Variants in KIF1A observed in about 807,000 individuals in gnomAD.
KIF1A encodes kinesin family member 1A.
A neutral mutation model predicts 227.3 loss-of-function variants in KIF1A; 46 were observed. The ratio of observed to expected loss-of-function variants is 0.20; its 90% CI spans 0.16 to 0.26. The LOEUF (loss-of-function observed/expected upper bound fraction) is 0.26, where lower values mean the gene tolerates loss of function less well. KIF1A is among the 10% of genes least tolerant of loss of function. The probability of loss-of-function intolerance (pLI) is 1.00; values close to 1 mark genes in which losing one functional copy is unlikely to be tolerated. For missense variants in KIF1A, 1,683 were observed against 2,485.9 expected (o/e 0.68, Z 6.87); for synonymous variants, 1,022 against 1,012.8 (o/e 1.01, Z -0.17).
In KIF1A at chr2:240,793,985, T is replaced by C. The variant is rs2056069999; in HGVS notation, c.106+3662A>G. 6.6e-6 allele frequency among the ~76,000 whole-genome samples: 1 copy of C among 152,154 alleles called. No individual in the cohort carries two copies. Among genetic ancestry groups the C allele is most frequent in the Admixed American group, 6.5e-5 (1 of 15,282 alleles). On this transcript the variant is annotated intron_variant, in intron 2 of 48. Coordinates refer to ENST00000498729, the MANE Select transcript of KIF1A (RefSeq NM_001244008.2). The surrounding 1 kb of genome is among the most constrained non-coding windows in gnomAD (Gnocchi z 4.8). ...CACTCCCAATTCTATTGATCTGAGC[T>C]GCAGCTGAGAAGTCACCAGGGACGG...
chr2:240,816,047 A>G (rs1228610612), intron 1 of KIF1A, among the ~76,000 whole-genome samples: 1 of 152,172 alleles, frequency 6.6e-6, no homozygotes, highest in East Asian at 1.9e-4. Flanking sequence ...GCATCATGGC[A>G]GAGGCAGCAT....
chr2:240,780,806 A>ACACACACACACAGCTC, intron 10 of KIF1A, among the ~76,000 whole-genome samples: 1 of 87,082 alleles, frequency 1.1e-5, no homozygotes, highest in Non-Finnish European at 2.1e-5. Context: ...CTCCACACAC[A>ACACACACACACAGCTC]CACACACACA....
intron 1 of KIF1A, among the ~76,000 whole-genome samples, chr2:240,819,360 C>A (rs1347046798): frequency 6.6e-6 from 1 of 152,014 alleles, no homozygotes; most frequent in East Asian, 1.9e-4. Context: ...GTTACAGGGG[C>A]GCTGGCTGCT....
intron 46 of KIF1A, 115 bp from the exon 47 acceptor site, chr2:240,719,313 C>G: frequency 8.1e-7 from 1 of 1,229,982 alleles, no homozygotes; most frequent in South Asian, 1.6e-5. Flanking sequence ...CCTCCCCAGC[C>G]AGAAAGTGGG....
rs756904387 is a variant in KIF1A, at chr2:240,757,469, T to C, written c.2708A>G (p.Glu903Gly). ...CTCCTCCTCCTCCCCCACGCTCTGC[T>C]CCTCGGCAGGCTCGGTGGCGTCGGA... is the stretch of plus-strand genomic sequence containing the variant. ...PDSDATEPAE[E>G]QSVGEEEEEE... The change falls in exon 27 of 49, where the codon GAG (glutamate) becomes GGG (glycine). Residue 903 changes from glutamate (E) to glycine (G), a missense_variant. Coordinates refer to ENST00000498729, the MANE Select transcript of KIF1A (RefSeq NM_001244008.2). The surrounding 1 kb of genome is among the most constrained non-coding windows in gnomAD (Gnocchi z 6.2). 1.3e-6 allele frequency: 2 copies of C among 1,550,386 alleles called. No homozygotes were observed. The highest frequency in any genetic ancestry group is 1.2e-5 in the South Asian group (1 of 83,972).
Position 240,720,948 on chromosome 2 carries a change from G to C in KIF1A, c.4834C>G (p.Leu1612Val). The change falls in exon 45 of 49, where the codon CTG becomes GTG. Residue 1612 changes from leucine to valine, a missense_variant. Transcript: ENST00000498729. ...GTGGCACCGTACCGCCCTTCAACCA[G>C]AGAGGGGCAAGTGGAGGAGGGGGTG... The part of the protein sequence containing the change: ...TLTPSSTCPS[L>V]VEGRYGATDL... 6.3e-7 allele frequency: 1 copy of C among 1,595,648 alleles called. No individual in the cohort carries two copies. The highest frequency in any genetic ancestry group is 8.5e-7 in the Non-Finnish European group (1 of 1,171,584).
rs1296337812 is a variant in KIF1A at position 240,736,442 on chromosome 2, C to G, written c.4007+621G>C. On this transcript the variant is annotated intron_variant, in intron 38 of 48. Transcript: ENST00000498729. This position sits in a 1 kb window ranked among gnomAD's most constrained non-coding sequence, Gnocchi z 4.7. ...CCCCTGGCAGTGCTGAGCCACCTGC[C>G]CAGGCCAACCGCAGGGGCTGCCTCC... Among the ~76,000 whole-genome samples, 4 of 152,172 alleles carry G rather than the reference C, an allele frequency of 2.6e-5. No homozygotes were observed. The East Asian group carries it at 5.8e-4, about 22-fold the overall frequency.
intron 1 of KIF1A, among the ~76,000 whole-genome samples, chr2:240,819,465 G>A (rs2106392833): frequency 6.6e-6 from 1 of 152,288 alleles, no homozygotes; most frequent in East Asian, 1.9e-4. Context: ...GTGATGGGCA[G>A]GCCGGCCGTG....
At chr2:240,735,124 G>T (rs551558453) in intron 38 of KIF1A, among the ~76,000 whole-genome samples, 1 of 152,304 alleles carries the variant, frequency 6.6e-6, no homozygotes, top group South Asian at 2.1e-4. Flanking sequence ...CCCCAAGACT[G>T]CTCCAGGGCA....
At chr2:240,797,479 G>T (rs968326702) in intron 2 of KIF1A, among the ~76,000 whole-genome samples, 168 bp downstream of exon 2, 19 of 152,210 alleles carry the variant, frequency 1.2e-4, no homozygotes, top group African/African-American at 4.6e-4. Context: ...GCCCACCACC[G>T]TTGGTGGCAG....
At chr2:240,796,431 G>A (rs191905196) in intron 2 of KIF1A, among the ~76,000 whole-genome samples, 157 of 152,264 alleles carry the variant, frequency 1.0e-3, no homozygotes, top group African/African-American at 3.2e-3. Context: ...CCCCGGCCAC[G>A]GAGGTCACCC....
Position 240,728,334 on chromosome 2 carries a change from G to A in KIF1A, c.4008-1394C>T, listed in dbSNP as rs76132160. On this transcript the variant is annotated intron_variant, in intron 38 of 48. Coordinates refer to ENST00000498729, the MANE Select transcript of KIF1A (RefSeq NM_001244008.2). Reference sequence around the variant, plus strand: ...GCAGACGCCGAGGAGAAAGGAACTCGGAAGAGCAGAAGAGGACAGACCAAG... The same window carrying A: ...GCAGACGCCGAGGAGAAAGGAACTCAGAAGAGCAGAAGAGGACAGACCAAG... 3,280 of 1,139,582 alleles carry A rather than the reference G, an allele frequency of 2.9e-3. 66 individuals are homozygous for A. In the African/African-American group the frequency reaches 0.046, roughly 16 times the overall value. 70.6% of individuals were successfully genotyped at this position (1,139,582 alleles called of 1,614,324 possible). A position where few individuals can be genotyped will look rare whatever the true frequency, so the allele number is the denominator to read the frequency against.
chr2:240,809,228 G>T (rs868602681), intron 1 of KIF1A, among the ~76,000 whole-genome samples: 1 of 152,216 alleles, frequency 6.6e-6, no homozygotes, highest in Non-Finnish European at 1.5e-5. Context: ...ATGACAAGTT[G>T]CTTCTAGAAA....
intron 8 of KIF1A, among the ~76,000 whole-genome samples, chr2:240,783,404 G>T (rs1028936776): frequency 1.3e-5 from 2 of 152,192 alleles, no homozygotes; most frequent in African/African-American, 4.8e-5. Flanking sequence ...GGCCAGCAGG[G>T]GTCGAGGAAA....
intron 1 of KIF1A, among the ~76,000 whole-genome samples, chr2:240,801,341 C>T (rs73104607): frequency 0.01 from 1,581 of 151,930 alleles, 39 homozygotes; most frequent in African/African-American, 0.036. Context: ...AATGCTAGAT[C>T]TGGAAAACAA....
Position 240,739,948 on chromosome 2 carries a change from G to T in KIF1A, c.3901+110C>A. 1 of 788,560 alleles carries T rather than the reference G, an allele frequency of 1.3e-6. No individual in the cohort carries two copies. Among genetic ancestry groups the T allele is most frequent in the Non-Finnish European group, 2.1e-6 (1 of 466,882 alleles). The allele number at this position is 788,560 out of a possible 1,614,324, so 48.8% of individuals were successfully genotyped here. ...GATTATGTGACCCGGCCAGGGTCACGCAGCAACAGACGCAGAGGTGTGGTT... is the reference window on the plus strand; with the variant it reads ...GATTATGTGACCCGGCCAGGGTCACTCAGCAACAGACGCAGAGGTGTGGTT... On this transcript the variant is annotated intron_variant, in intron 37 of 48. Coordinates refer to ENST00000498729, the MANE Select transcript of KIF1A (RefSeq NM_001244008.2). This position sits in a 1 kb window ranked among gnomAD's most constrained non-coding sequence, Gnocchi z 5.6.
At position 240,721,042 on chromosome 2, in the gene KIF1A, C is replaced by T. The variant is rs771679601; in HGVS notation, c.4744-4G>A. The T allele has an allele frequency of 1.6e-5, 25 of 1,611,590 alleles. 1 individual carries two copies. The highest frequency in any genetic ancestry group is 5.5e-5 in the South Asian group (5 of 90,802). On this transcript the variant is annotated splice_region_variant and splice_polypyrimidine_tract_variant and intron_variant, in intron 44 of 48. Coordinates refer to ENST00000498729, the MANE Select transcript of KIF1A (RefSeq NM_001244008.2). ...GGGTGACAGACATCTCGGAGAGCTG[C>T]GGAGGAGAGGCCTTTTTCAGGGGAC...
At chr2:240,728,800 C>CAT (rs2046305068) in intron 38 of KIF1A, among the ~76,000 whole-genome samples, 1 of 152,226 alleles carries the variant, frequency 6.6e-6, no homozygotes, top group Non-Finnish European at 1.5e-5. Flanking sequence ...GAACAAGTGC[C>CAT]TCAGACCGCT....
Position 240,766,670 on chromosome 2 carries a change from C to T in KIF1A, c.1684+245G>A, listed in dbSNP as rs987351773. Among the ~76,000 whole-genome samples the T allele has an allele frequency of 1.5e-4, 23 of 151,668 alleles. No homozygotes were observed. Among genetic ancestry groups the T allele is most frequent in the African/African-American group, 5.6e-4 (23 of 41,256 alleles). ...ACCAGGCATTTTCCCAAGCACCAAC[C>T]TAATGGAAGTTGTTTTTAAGGCTGG... On this transcript the variant is annotated intron_variant, in intron 19 of 48. Transcript: ENST00000498729. The surrounding 1 kb of genome is among the most constrained non-coding windows in gnomAD (Gnocchi z 5.0).
Sources: gnomAD v4.1 joint callset for allele counts (sites outside exome capture counted in the v4.1 genomes callset) on GRCh38, gnomAD v4.1.1 for gene constraint, Gnocchi (gnomAD v3.1) non-coding constraint, MANE v1.5 for transcripts, NCBI Gene and HGNC (gene_info 2026-07-23, HGNC 2026-07-21) for gene names.